PAX6: variants seen among roughly 807,000 people sequenced by gnomAD.
The protein encoded by PAX6 is paired box 6.
A neutral mutation model predicts 60.7 loss-of-function variants in PAX6; 7 were observed. That is an observed-to-expected ratio of 0.12 (90% CI 0.07 to 0.22). The LOEUF (loss-of-function observed/expected upper bound fraction) is 0.22. Among genes scored for constraint, PAX6 ranks in the 10% least tolerant of loss-of-function variants. The pLI is 1.00. For synonymous variants in PAX6, 208 were observed against 201.2 expected (o/e 1.03, Z -0.29); for missense variants, 355 against 555.2 (o/e 0.64, Z 3.62).
chr11:31,796,622 G>C (rs1475420818), intron 8 of PAX6, among the ~76,000 whole-genome samples: 1 of 123,908 alleles, frequency 8.1e-6, no homozygotes, highest in Admixed American at 8.4e-5. Flanking sequence ...GGAAGGATTG[G>C]GGGGCCTGGG....
At position 31,800,732 on chromosome 11, in the gene PAX6, C is replaced by A; in HGVS notation, c.524G>T (p.Gly175Val). 3 of 1,614,230 alleles carry A rather than the reference C, an allele frequency of 1.9e-6. No individual in the cohort carries two copies. Among genetic ancestry groups the A allele is most frequent in the African/African-American group, 2.7e-5 (2 of 75,054 alleles). The change falls in exon 8 of 14, where the codon GGT (glycine) becomes GTT (valine). Residue 175 changes from glycine (G) to valine (V), a missense_variant. By Grantham distance (109) the Gly-to-Val change is moderately radical. This residue lies in a region of PAX6 where 143 missense variants were observed against 183.6 expected (regional missense o/e 0.78). Transcript: ENST00000640368. ...GQTGSWGTRP[G>V]WYPGTSVPGQ... ...TGGCACCGAAGTCCCCGGATACCAACCAGGGCGGGTGCCCCAGCTTCCGGT... is the reference window on the plus strand; with the variant it reads ...TGGCACCGAAGTCCCCGGATACCAAACAGGGCGGGTGCCCCAGCTTCCGGT...
At chr11:31,812,356 CG>C (rs1320192978), upstream of PAX6, 1 of 149,426 alleles carries the variant, frequency 6.7e-6, no homozygotes, top group Non-Finnish European at 1.4e-5. Context: ...CTGGCGATGT[CG>C]GTATGTCAGC....
upstream of PAX6, among the ~76,000 whole-genome samples, chr11:31,815,444 C>T (rs1040949911): frequency 1.3e-5 from 2 of 152,032 alleles, no homozygotes; most frequent in Admixed American, 1.3e-4. Flanking sequence ...GCCAACGACC[C>T]GGTCCTGCGA....
chr11:31,809,203 A>G (rs886732107), intron 2 of PAX6: 3 of 152,354 alleles, frequency 2.0e-5, no homozygotes, highest in Middle Eastern at 3.4e-3. Context: ...GCCAAATAAG[A>G]TAACAACTAA....
Position 31,789,939 on chromosome 11 carries a change from G to GTT in PAX6, c.1305_1306insAA (p.Gln436AsnfsTer104). 1 of 744,984 alleles carries GTT rather than the reference G, an allele frequency of 1.3e-6. No homozygotes were observed. The highest frequency in any genetic ancestry group is 2.0e-6 in the Non-Finnish European group (1 of 502,234). 46.1% of individuals were successfully genotyped at this position (744,984 alleles called of 1,614,324 possible). A position where few individuals can be genotyped will look rare whatever the true frequency, so the allele number is the denominator to read the frequency against. On this transcript the variant is annotated frameshift_variant, in exon 14 of 14. Transcript: ENST00000640368. LOFTEE classifies it high-confidence loss of function. ...TTTTTTTTTTTTTTTTTTTTTTACT[G>GTT]TAATCTTGGCCAGTATTGAGACATA...
At chr11:31,814,286 C>T (rs573635085), upstream of PAX6, 10 of 152,362 alleles carry the variant, frequency 6.6e-5, no homozygotes, top group African/African-American at 2.2e-4. Context: ...CTGCCCAGAG[C>T]TTCTAGCCAG....
chr11:31,816,226 C>G (rs1199484808), upstream of PAX6: 10 of 200,938 alleles, frequency 5.0e-5, no homozygotes, highest in Admixed American at 2.4e-4. Context: ...CTTCGGTTTT[C>G]CTTTCCAATT....
At chr11:31,808,404 T>A (rs563066355) in intron 2 of PAX6, 1 of 152,300 alleles carries the variant, frequency 6.6e-6, no homozygotes, top group South Asian at 2.1e-4. Context: ...TTCCTTCCTG[T>A]CTCTCAGTCC....
chr11:31,806,605 G>A lies in PAX6; in HGVS notation c.-51-143C>T, dbSNP rs553723837. 4.5e-6 allele frequency: 3 copies of A among 672,132 alleles called. No individual in the cohort carries two copies. In the Admixed American group the frequency reaches 6.6e-5, roughly 15 times the overall value. The allele number at this position is 672,132 out of a possible 1,614,324, so 41.6% of individuals were successfully genotyped here. On this transcript the variant is annotated intron_variant, in intron 3 of 13. Coordinates refer to ENST00000640368, the MANE Select transcript of PAX6 (RefSeq NM_001368894.2). Reference sequence around the variant, plus strand: ...CACTCAACCTCTTGGGGCGATCTGAGGGTCACTCAGCTCTGCCCTGCAGTG... The same window carrying A: ...CACTCAACCTCTTGGGGCGATCTGAAGGTCACTCAGCTCTGCCCTGCAGTG...
At chr11:31,809,375 G>A (rs1457999323) in intron 2 of PAX6, 1 of 152,184 alleles carries the variant, frequency 6.6e-6, no homozygotes, top group East Asian at 1.9e-4. Context: ...CCAAGTTCGA[G>A]TTAAACGTCC....
intron 4 of PAX6, 23 bp from the exon 5 acceptor site, chr11:31,802,857 A>G: frequency 6.2e-7 from 1 of 1,611,908 alleles, no homozygotes; most frequent in Non-Finnish European, 8.5e-7. Context: ...AGAGGAGAGG[A>G]AAGGGGAAAA....
At chr11:31,803,146 C>T (rs1402246912) in intron 4 of PAX6, 4 of 436,926 alleles carry the variant, frequency 9.2e-6, no homozygotes, top group Non-Finnish European at 1.7e-5. Context: ...ACTGCAGCAG[C>T]AACACAGAGT....
At chr11:31,816,071 G>A (rs1279193264), upstream of PAX6, among the ~76,000 whole-genome samples, 1 of 152,212 alleles carries the variant, frequency 6.6e-6, no homozygotes, top group Non-Finnish European at 1.5e-5. Flanking sequence ...GCCAGACCCC[G>A]CTCCTCAGGC....
chr11:31,800,538 C>A (rs533599290), intron 8 of PAX6, 153 bp downstream of exon 8: 2 of 933,522 alleles, frequency 2.1e-6, no homozygotes, highest in South Asian at 2.6e-5. Context: ...CACCTACATA[C>A]AATGTGGTCG....
At chr11:31,797,633 T>G (rs1952027060) in intron 8 of PAX6, among the ~76,000 whole-genome samples, 1 of 152,162 alleles carries the variant, frequency 6.6e-6, no homozygotes, top group Admixed American at 6.5e-5. Context: ...TTCATTACTT[T>G]AGAAGTGGCA....
chr11:31,813,870 A>G (rs7942007), upstream of PAX6, among the ~76,000 whole-genome samples: 29,672 of 151,800 alleles, frequency 0.2, 2,999 homozygotes, highest in East Asian at 0.3. Flanking sequence ...GTGCTGTTCT[A>G]CCTCGTGGGG....
upstream of PAX6, chr11:31,812,878 C>G (rs1335851729): frequency 6.6e-6 from 1 of 152,462 alleles, no homozygotes; most frequent in African/African-American, 2.4e-5. Flanking sequence ...TCGCTGCTGA[C>G]TGGCCGCGTC....
intron 8 of PAX6, 122 bp from the exon 9 acceptor site, chr11:31,794,910 C>A: frequency 1.2e-6 from 1 of 868,090 alleles, no homozygotes; most frequent in Non-Finnish European, 1.9e-6. Flanking sequence ...AAAACATTCC[C>A]AAGGTAACTG....
In PAX6 at chr11:31,790,769, G is replaced by T. The variant is rs200015827; in HGVS notation, c.1166C>A (p.Pro389Gln). The change falls in exon 13 of 14, where the codon CCA becomes CAA. Residue 389 changes from proline to glutamine, a missense_variant. Around this residue, in one of 5 missense-constraint regions of PAX6, gnomAD observed 149 missense variants for 191.9 expected, o/e 0.78. Transcript: ENST00000640368. ...NGRSYDTYTP[P>Q]HMQTHMNSQP... is the part of the protein sequence containing the mutation. Reference sequence around the variant, plus strand: ...ACTGTTCATGTGTGTCTGCATATGTGGGGGGGTGTAGGTATCATAACTCCG... The same window carrying T: ...ACTGTTCATGTGTGTCTGCATATGTTGGGGGGTGTAGGTATCATAACTCCG... 1.1e-4 allele frequency: 184 copies of T among 1,613,832 alleles called. 2 individuals carry two copies. In the South Asian group the frequency reaches 1.4e-3, roughly 12 times the overall value.
Sources: gnomAD v4.1 joint callset for allele counts (sites outside exome capture counted in the v4.1 genomes callset) on GRCh38, gnomAD v4.1.1 for gene constraint, gnomAD v4.1.1 regional missense constraint, MANE v1.5 for transcripts, NCBI Gene and HGNC (gene_info 2026-07-23, HGNC 2026-07-21) for gene names.